The following DOK6 variants were observed in gnomAD, a reference collection of about 807,000 sequenced individuals.
DOK6 encodes docking protein 6, also known as downstream of tyrosine kinase 6.
Under a neutral mutation model 44.0 loss-of-function variants are expected in DOK6, and 22 were observed. The ratio of observed to expected loss-of-function variants is 0.50; its 90% CI spans 0.36 to 0.71. The LOEUF is 0.71. DOK6 is among the 30% of genes least tolerant of loss of function. The pLI is 0.00. For synonymous variants in DOK6, 166 were observed against 145.5 expected, an observed-to-expected ratio of 1.14 and a Z score of -1.01; for missense variants, 340 against 416.4, an observed-to-expected ratio of 0.82 and a Z score of 1.60.
rs541151070 is a variant in DOK6 at position 69,604,426 on chromosome 18, A to G, written c.289+4928A>G. 5.3e-5 allele frequency among the ~76,000 whole-genome samples: 8 copies of G among 152,332 alleles called. No homozygotes were observed. In the East Asian group the frequency reaches 1.5e-3, roughly 29 times the overall value. ...AATGGTCTTAACTTCCCAGAGAAGA[A>G]TTTCCTGACAACGTGGCTGAAGTTA... is the stretch of plus-strand genomic sequence containing the variant. On this transcript the variant is annotated intron_variant, in intron 3 of 7. Coordinates refer to ENST00000382713, the MANE Select transcript of DOK6 (RefSeq NM_152721.6).
chr18:69,586,586 T>C (rs895060154), intron 2 of DOK6, among the ~76,000 whole-genome samples: 8 of 152,222 alleles, frequency 5.3e-5, no homozygotes, highest in African/African-American at 1.7e-4. Flanking sequence ...TGCAGGTGGA[T>C]GTCCCCGGAC....
intron 1 of DOK6, among the ~76,000 whole-genome samples, chr18:69,465,455 G>A (rs913142545): frequency 1.8e-4 from 27 of 147,450 alleles, no homozygotes; most frequent in African/African-American, 3.0e-4. Context: ...ATCCCTCCCC[G>A]CTCCCCCCAC....
chr18:69,714,045 G>T (rs1986828369), intron 5 of DOK6, among the ~76,000 whole-genome samples: 1 of 152,146 alleles, frequency 6.6e-6, no homozygotes, highest in African/African-American at 2.4e-5. Flanking sequence ...CGGGACAGGA[G>T]GTGATGCAGT....
At chr18:69,829,807 A>G (rs1981850536) in intron 7 of DOK6, among the ~76,000 whole-genome samples, 1 of 151,904 alleles carries the variant, frequency 6.6e-6, no homozygotes, top group South Asian at 2.1e-4. Context: ...AATGAGATGT[A>G]GTTTTTTGTA....
chr18:69,733,714 T>C (rs1978496955), intron 5 of DOK6, among the ~76,000 whole-genome samples: 1 of 131,988 alleles, frequency 7.6e-6, no homozygotes, highest in African/African-American at 2.5e-5. Context: ...ACCTGAAAAA[T>C]ACTTTTCATA....
intron 6 of DOK6, among the ~76,000 whole-genome samples, chr18:69,742,980 AT>A (rs149339005): frequency 0.018 from 2,752 of 152,316 alleles, 73 homozygotes; most frequent in African/African-American, 0.062. Context: ...AGAAGATGAC[AT>A]GCTTGCCATT....
intron 1 of DOK6, among the ~76,000 whole-genome samples, chr18:69,415,773 G>A (rs949825342): frequency 2.0e-5 from 3 of 152,020 alleles, no homozygotes; most frequent in African/African-American, 7.2e-5. Flanking sequence ...GCCATATTTT[G>A]AGGGTCACAA....
chr18:69,620,022 T>C (rs958297019), intron 3 of DOK6, among the ~76,000 whole-genome samples: 56 of 152,232 alleles, frequency 3.7e-4, no homozygotes, highest in African/African-American at 1.3e-3. Flanking sequence ...TATTAAAACA[T>C]ACATAAACAA....
chr18:69,577,276 C>T (rs72967469), intron 2 of DOK6, among the ~76,000 whole-genome samples: 2,094 of 152,172 alleles, frequency 0.014, 26 homozygotes, highest in Non-Finnish European at 0.021. Flanking sequence ...CATTTTGATT[C>T]CACGAAGAAA....
At chr18:69,765,497 C>A (rs1450268602) in intron 7 of DOK6, among the ~76,000 whole-genome samples, 1 of 152,190 alleles carries the variant, frequency 6.6e-6, no homozygotes, top group Non-Finnish European at 1.5e-5. Context: ...AACATTCCCA[C>A]TGTGAAATGA....
At chr18:69,448,835 C>T (rs1171357221) in intron 1 of DOK6, among the ~76,000 whole-genome samples, 1 of 152,114 alleles carries the variant, frequency 6.6e-6, no homozygotes, top group Admixed American at 6.5e-5. Context: ...TACTGAGTGC[C>T]ATGTATATAT....
intron 5 of DOK6, 146 bp downstream of exon 5, chr18:69,698,739 T>C: frequency 1.4e-6 from 1 of 691,304 alleles, no homozygotes; most frequent in Non-Finnish European, 2.1e-6. Flanking sequence ...ACATAATTTC[T>C]TCAGATTCTT....
intron 2 of DOK6, among the ~76,000 whole-genome samples, chr18:69,570,264 T>A (rs1005303666): frequency 6.6e-6 from 1 of 151,748 alleles, no homozygotes; most frequent in South Asian, 2.1e-4. Context: ...AAAAGAGAAA[T>A]CTTAAATGGA....
chr18:69,754,603 G>C (rs1979295854), intron 6 of DOK6, among the ~76,000 whole-genome samples: 2 of 152,156 alleles, frequency 1.3e-5, no homozygotes, highest in Admixed American at 6.5e-5. Context: ...AGTTCTGGAG[G>C]CTGGAAGTGC....
intron 5 of DOK6, among the ~76,000 whole-genome samples, chr18:69,721,612 CTG>C (rs1485147364): frequency 1.3e-5 from 2 of 152,248 alleles, no homozygotes; most frequent in Admixed American, 1.3e-4. Context: ...ATTTTCCTCT[CTG>C]TGTCTTGACA....
chr18:69,626,003 T>A (rs1441865726), intron 3 of DOK6, among the ~76,000 whole-genome samples: 1 of 152,210 alleles, frequency 6.6e-6, no homozygotes, highest in Non-Finnish European at 1.5e-5. Context: ...AAAGATGAAC[T>A]CTGTATTAAA....
intron 6 of DOK6, among the ~76,000 whole-genome samples, chr18:69,756,069 T>G (rs1462558395): frequency 6.6e-6 from 1 of 152,200 alleles, no homozygotes; most frequent in Non-Finnish European, 1.5e-5. Context: ...CCAATTCATT[T>G]CCTTTACTAC....
At chr18:69,527,117 G>A (rs1981851813) in intron 1 of DOK6, among the ~76,000 whole-genome samples, 1 of 152,140 alleles carries the variant, frequency 6.6e-6, no homozygotes, top group African/African-American at 2.4e-5. Context: ...TTATCGATTA[G>A]ATTCAGCACA....
At chr18:69,542,840 G>C (rs1036843) in intron 1 of DOK6, among the ~76,000 whole-genome samples, 44,683 of 151,184 alleles carry the variant, frequency 0.3, 7,826 homozygotes, top group East Asian at 0.63. Context: ...TTCATACACC[G>C]AGCGTGGATT....
Sources: gnomAD v4.1 joint callset for allele counts (sites outside exome capture counted in the v4.1 genomes callset) on GRCh38, gnomAD v4.1.1 for gene constraint, MANE v1.5 for transcripts, NCBI Gene and HGNC (gene_info 2026-07-23, HGNC 2026-07-21) for gene names.